Variants in SHISA9 observed in about 807,000 individuals in gnomAD.
SHISA9 encodes protein shisa-9.
In SHISA9, 13 loss-of-function variants were observed where a neutral mutation model predicts 38.0. That is an observed-to-expected ratio of 0.34 (90% CI 0.22 to 0.54). The LOEUF is 0.54. SHISA9 is among the 20% of genes least tolerant of loss of function. The pLI is 0.91. For synonymous variants in SHISA9, 275 were observed against 242.0 expected (o/e 1.14, Z -1.27); for missense variants, 538 against 575.8 (o/e 0.93, Z 0.67).
intron 2 of SHISA9, among the ~76,000 whole-genome samples, chr16:13,099,639 C>T (rs984127906): frequency 6.6e-6 from 1 of 152,094 alleles, no homozygotes; most frequent in Non-Finnish European, 1.5e-5. Flanking sequence ...CTCCTAAAAT[C>T]AGTGAAGAGT....
At chr16:12,975,558 A>T (rs923288125) in intron 2 of SHISA9, among the ~76,000 whole-genome samples, 9 of 148,098 alleles carry the variant, frequency 6.1e-5, no homozygotes, top group African/African-American at 2.2e-4. Flanking sequence ...AATTGGATTT[A>T]TGCAAGTTGT....
the SHISA9 span, among the ~76,000 whole-genome samples, chr16:13,469,186 G>C: frequency 6.6e-6 from 1 of 151,114 alleles, no homozygotes; most frequent in South Asian, 2.1e-4. Context: ...AGGTTGCAGT[G>C]AGCTGAGATC....
chr16:12,908,552 A>C, intron 1 of SHISA9: 11 of 1,551,836 alleles, frequency 7.1e-6, no homozygotes, highest in Non-Finnish European at 9.6e-6. Flanking sequence ...TGGAGAGTGG[A>C]GTGTCGGACT....
chr16:13,011,935 C>T (rs2072681869), intron 2 of SHISA9, among the ~76,000 whole-genome samples: 1 of 152,140 alleles, frequency 6.6e-6, no homozygotes, highest in Non-Finnish European at 1.5e-5. Context: ...AAGCGATTCT[C>T]ATGCCTCAGC....
chr16:13,487,624 A>G, the SHISA9 span, among the ~76,000 whole-genome samples: 2 of 152,368 alleles, frequency 1.3e-5, no homozygotes, highest in East Asian at 3.9e-4. Context: ...TTATAATTCA[A>G]CATGAGATTT....
chr16:13,012,190 G>A (rs1405891679), intron 2 of SHISA9, among the ~76,000 whole-genome samples: 1 of 151,784 alleles, frequency 6.6e-6, no homozygotes, highest in South Asian at 2.1e-4. Flanking sequence ...TTGTCTTTCT[G>A]TGTCTGGCTT....
chr16:13,410,825 G>T, the SHISA9 span, among the ~76,000 whole-genome samples: 1 of 152,172 alleles, frequency 6.6e-6, no homozygotes, highest in South Asian at 2.1e-4. Context: ...CTAGTGAAAA[G>T]GATACTATCT....
At chr16:13,545,149 A>T in the SHISA9 span, among the ~76,000 whole-genome samples, 1 of 152,136 alleles carries the variant, frequency 6.6e-6, no homozygotes, top group Non-Finnish European at 1.5e-5. Flanking sequence ...GATGACACCT[A>T]CCCAGTTTTT....
chr16:13,524,748 T>A, the SHISA9 span, among the ~76,000 whole-genome samples: 1 of 148,518 alleles, frequency 6.7e-6, no homozygotes, highest in Non-Finnish European at 1.5e-5. Context: ...TTTTTTTTTT[T>A]AAGAGATAGG....
chr16:13,374,948 G>A, the SHISA9 span, among the ~76,000 whole-genome samples: 21 of 152,178 alleles, frequency 1.4e-4, no homozygotes, highest in Non-Finnish European at 2.8e-4. Flanking sequence ...GTGTCTGTTG[G>A]CTGCATAAAT....
At chr16:13,252,501 G>A in the SHISA9 span, among the ~76,000 whole-genome samples, 3 of 152,080 alleles carry the variant, frequency 2.0e-5, no homozygotes, top group Non-Finnish European at 4.4e-5. Context: ...AAACCCCCAG[G>A]ACCCTTCTTC....
chr16:12,984,274 G>A (rs998958756), intron 2 of SHISA9, among the ~76,000 whole-genome samples: 21 of 152,186 alleles, frequency 1.4e-4, no homozygotes, highest in Non-Finnish European at 2.5e-4. Flanking sequence ...GGTACATTCA[G>A]TATCTGCTGT....
the SHISA9 span, among the ~76,000 whole-genome samples, chr16:13,371,574 G>T: frequency 2.0e-5 from 3 of 152,222 alleles, no homozygotes; most frequent in Admixed American, 1.3e-4. Flanking sequence ...TGATTCAATG[G>T]TAAGTGAACA....
chr16:13,487,440 G>T, the SHISA9 span, among the ~76,000 whole-genome samples: 3 of 152,194 alleles, frequency 2.0e-5, no homozygotes, highest in East Asian at 1.9e-4. Context: ...GTTGTCTCAC[G>T]TGGTGGGAGC....
At chr16:13,069,087 T>C (rs541887132) in intron 2 of SHISA9, among the ~76,000 whole-genome samples, 1 of 152,176 alleles carries the variant, frequency 6.6e-6, no homozygotes, top group Admixed American at 6.5e-5. Context: ...GTACATGCAA[T>C]GTGTATGTGT....
rs2071024839 is a variant in SHISA9, at chr16:12,902,133, G to T, written c.69G>T (p.Ala23=). The part of the protein sequence containing the change: ...LTELCARVCR[A]QERAGHGQLA... ...AGCTGTGCGCCCGCGTGTGCCGGGCGCAGGAGCGAGCGGGACACGGGCAGC... is the reference window on the plus strand; with the variant it reads ...AGCTGTGCGCCCGCGTGTGCCGGGCTCAGGAGCGAGCGGGACACGGGCAGC... Residue 23 remains alanine, a synonymous_variant, in exon 1 of 5, where the codon GCG becomes GCT. Coordinates refer to ENST00000558583, the MANE Select transcript of SHISA9 (RefSeq NM_001145204.3). 1 of 1,513,740 alleles carries T rather than the reference G, an allele frequency of 6.6e-7. No individual in the cohort carries two copies. The highest frequency in any genetic ancestry group is 8.8e-7 in the Non-Finnish European group (1 of 1,138,770). 93.8% of individuals were successfully genotyped at this position (1,513,740 alleles called of 1,614,324 possible).
chr16:12,970,315 G>T (rs2072038037), intron 2 of SHISA9, among the ~76,000 whole-genome samples: 2 of 108,302 alleles, frequency 1.8e-5, no homozygotes, highest in African/African-American at 3.7e-5. Flanking sequence ...CTCTCACTAG[G>T]GGTATATATA....
intron 2 of SHISA9, among the ~76,000 whole-genome samples, chr16:13,068,993 T>C (rs900160822): frequency 1.3e-5 from 2 of 151,968 alleles, no homozygotes; most frequent in African/African-American, 4.8e-5. Flanking sequence ...GTACATGCAA[T>C]GTGTGTATGT....
chr16:13,411,691 A>G, the SHISA9 span, among the ~76,000 whole-genome samples: 1 of 152,234 alleles, frequency 6.6e-6, no homozygotes, highest in Non-Finnish European at 1.5e-5. Flanking sequence ...AAGGAGAATC[A>G]GGATATAGCC....
Sources: gnomAD v4.1 joint callset for allele counts (sites outside exome capture counted in the v4.1 genomes callset) on GRCh38, gnomAD v4.1.1 for gene constraint, MANE v1.5 for transcripts, NCBI Gene and HGNC (gene_info 2026-07-23, HGNC 2026-07-21) for gene names.